Variants in RIMS2 observed in about 807,000 individuals in gnomAD.
RIMS2 encodes regulating synaptic membrane exocytosis protein 2.
RIMS2 carries 59 observed loss-of-function variants against 174.4 expected under a neutral mutation model. The ratio of observed to expected loss-of-function variants is 0.34; its 90% CI spans 0.27 to 0.42. RIMS2 has a LOEUF of 0.42. RIMS2 is among the 10% of genes least tolerant of loss of function. The pLI is 1.00. For synonymous variants in RIMS2, 606 were observed against 572.5 expected (o/e 1.06, Z -0.84); for missense variants, 1,620 against 1,666.3 (o/e 0.97, Z 0.48).
At chr8:103,805,057 G>T (rs1193081407) in intron 3 of RIMS2, among the ~76,000 whole-genome samples, 1 of 151,944 alleles carries the variant, frequency 6.6e-6, no homozygotes, top group Non-Finnish European at 1.5e-5. Context: ...GCCTCTTAAA[G>T]CGCTGGCATT....
In RIMS2 at chr8:103,689,705, A is replaced by T. The variant is rs567442766; in HGVS notation, c.177-7381A>T. On this transcript the variant is annotated intron_variant, in intron 1 of 23. Transcript: ENST00000504942. ...GCTCCTTTTTTGGTTTCCTTTTGCAATAGGAAATCACGTGAAGGTACAAAA... is the reference window on the plus strand; with the variant it reads ...GCTCCTTTTTTGGTTTCCTTTTGCATTAGGAAATCACGTGAAGGTACAAAA... Among the ~76,000 whole-genome samples the T allele has an allele frequency of 4.6e-5, 7 of 152,160 alleles. No individual in the cohort carries two copies. The East Asian group carries it at 1.3e-3, about 29-fold the overall frequency.
intron 1 of RIMS2, among the ~76,000 whole-genome samples, chr8:103,511,601 T>C (rs1478516964): frequency 6.6e-6 from 1 of 152,212 alleles, no homozygotes; most frequent in Non-Finnish European, 1.5e-5. Context: ...GTTTAGGATA[T>C]AATCAGTTGT....
chr8:103,762,897 T>C (rs779241577), intron 2 of RIMS2, among the ~76,000 whole-genome samples: 1 of 152,154 alleles, frequency 6.6e-6, no homozygotes, highest in Non-Finnish European at 1.5e-5. Flanking sequence ...TAATTAAAAG[T>C]GTTTATGTAT....
At chr8:103,607,140 C>T (rs189635661) in intron 1 of RIMS2, among the ~76,000 whole-genome samples, 4,724 of 151,882 alleles carry the variant, frequency 0.031, 217 homozygotes, top group African/African-American at 0.11. Flanking sequence ...TGGCTGGTGC[C>T]GGTTGTTCCT....
chr8:103,724,199 C>T (rs1005179539), intron 2 of RIMS2, among the ~76,000 whole-genome samples: 1 of 152,124 alleles, frequency 6.6e-6, no homozygotes, highest in Non-Finnish European at 1.5e-5. Flanking sequence ...GTGCTATAAT[C>T]TCTTACCTGG....
chr8:103,600,585 C>A (rs1196611265), intron 1 of RIMS2, among the ~76,000 whole-genome samples: 1 of 152,096 alleles, frequency 6.6e-6, no homozygotes, highest in Non-Finnish European at 1.5e-5. Context: ...TTTTCTTTAT[C>A]CATTCATCTG....
chr8:103,762,215 A>T (rs1408201724), intron 2 of RIMS2, among the ~76,000 whole-genome samples: 2 of 151,972 alleles, frequency 1.3e-5, no homozygotes, highest in Non-Finnish European at 2.9e-5. Flanking sequence ...CCATCTCTTA[A>T]TATTTCTATA....
chr8:104,177,198 G>A (rs1018697609), intron 19 of RIMS2, among the ~76,000 whole-genome samples: 1 of 152,094 alleles, frequency 6.6e-6, no homozygotes, highest in African/African-American at 2.4e-5. Context: ...TTGTGGATGT[G>A]AAACTGAAGC....
Position 103,748,447 on chromosome 8 carries a change from A to AATAC in RIMS2, c.388-17765_388-17762dup, listed in dbSNP as rs921142441. ...TGAGCAACAGAATGAGACCGTCTCA[A>AATAC]ATACATACATACATACATGCATACA... On this transcript the variant is annotated intron_variant, in intron 2 of 23. Coordinates refer to ENST00000504942, the Ensembl canonical transcript of RIMS2. 2.4e-4 allele frequency among the ~76,000 whole-genome samples: 36 copies of AATAC among 152,004 alleles called. 1 individual carries two copies. Among genetic ancestry groups the AATAC allele is most frequent in the Non-Finnish European group, 2.6e-4 (18 of 68,008 alleles).
At chr8:103,726,453 C>T (rs1591174212) in intron 2 of RIMS2, among the ~76,000 whole-genome samples, 1 of 151,962 alleles carries the variant, frequency 6.6e-6, no homozygotes, top group African/African-American at 2.4e-5. Context: ...AGAAATCTTT[C>T]CCTATCTCAA....
chr8:103,577,979 A>T (rs928070043), intron 1 of RIMS2, among the ~76,000 whole-genome samples: 22 of 152,226 alleles, frequency 1.4e-4, no homozygotes, highest in African/African-American at 4.8e-4. Context: ...AGATATAGAA[A>T]ATTACCTTAA....
chr8:104,083,108 C>A (rs1348070658), intron 19 of RIMS2, among the ~76,000 whole-genome samples: 3 of 152,092 alleles, frequency 2.0e-5, no homozygotes, highest in African/African-American at 7.2e-5. Context: ...GAGTAGTGGG[C>A]CTCTTCAGAC....
chr8:104,124,107 C>T (rs2098408734), intron 19 of RIMS2, among the ~76,000 whole-genome samples: 1 of 151,962 alleles, frequency 6.6e-6, no homozygotes. Flanking sequence ...GATATGCAAT[C>T]ATGTCTATAT....
intron 1 of RIMS2, among the ~76,000 whole-genome samples, chr8:103,536,645 C>T (rs1037053841): frequency 6.6e-6 from 1 of 152,226 alleles, no homozygotes; most frequent in Non-Finnish European, 1.5e-5. Context: ...GCAAGAGACA[C>T]TGAAGGGGGA....
intron 1 of RIMS2, among the ~76,000 whole-genome samples, chr8:103,571,265 A>T (rs1196919155): frequency 6.6e-6 from 1 of 152,228 alleles, no homozygotes; most frequent in Non-Finnish European, 1.5e-5. Context: ...ATGTTCAACA[A>T]AATAAAATTT....
intron 19 of RIMS2, among the ~76,000 whole-genome samples, chr8:104,205,836 A>G (rs1441781880): frequency 2.6e-5 from 4 of 151,578 alleles, no homozygotes; most frequent in Non-Finnish European, 5.9e-5. Context: ...GCTCATTGCA[A>G]CCTCTGCCTC....
intron 15 of RIMS2, 58 bp downstream of exon 17, chr8:103,961,191 T>C (rs2089937638): frequency 1.2e-6 from 1 of 823,994 alleles, no homozygotes; most frequent in African/African-American, 1.7e-5. Flanking sequence ...CATCATCATT[T>C]ACCATAAAAG....
chr8:103,587,464 GAAAGA>G (rs201617211), intron 1 of RIMS2, among the ~76,000 whole-genome samples: 7,731 of 103,922 alleles, frequency 0.074, 333 homozygotes, highest in Middle Eastern at 0.12. Context: ...AAGAAAGAAA[GAAAGA>G]AACTATGCAC....
chr8:103,613,964 C>A (rs1280099909), intron 1 of RIMS2, among the ~76,000 whole-genome samples: 1 of 152,160 alleles, frequency 6.6e-6, no homozygotes, highest in Non-Finnish European at 1.5e-5. Context: ...TGTTAAGCAT[C>A]AGGAAGGAAA....
Sources: gnomAD v4.1 joint callset for allele counts (sites outside exome capture counted in the v4.1 genomes callset) on GRCh38, gnomAD v4.1.1 for gene constraint, MANE v1.5 for transcripts, NCBI Gene and HGNC (gene_info 2026-07-23, HGNC 2026-07-21) for gene names.